SPIN3: variants seen among roughly 807,000 people sequenced by gnomAD.
SPIN3 encodes the protein spindlin family member 3, also known as spindlin-3.
For synonymous variants in SPIN3, 74 were observed against 74.3 expected (o/e 1.00, Z 0.02); for missense variants, 176 against 196.4 (o/e 0.90, Z 0.62).
rs1286819646 is a variant in SPIN3 at position 56,995,495 on chromosome X, C to T, written c.-282G>A. On this transcript the variant is annotated 5_prime_UTR_variant, in exon 1 of 2. Transcript: ENST00000374919. Reference sequence around the variant, plus strand: ...GGCGGCGGTGGCGGTGGCCGCAGCCCCTCTCCCACATCGGACTCCCACTAG... The same window carrying T: ...GGCGGCGGTGGCGGTGGCCGCAGCCTCTCTCCCACATCGGACTCCCACTAG... 1 of 113,191 alleles carries T rather than the reference C, an allele frequency of 8.8e-6. No homozygotes were observed. Among genetic ancestry groups the T allele is most frequent in the Non-Finnish European group, 1.8e-5 (1 of 54,301 alleles). The allele number at this position is 113,191 out of a possible 1,213,427, so 9.3% of individuals were successfully genotyped here. A position where few individuals can be genotyped will look rare whatever the true frequency, so the allele number is the denominator to read the frequency against.
chrX:56,976,143 T>G (rs931099591), downstream of SPIN3: 1 of 112,034 alleles, frequency 8.9e-6, no homozygotes. Context: ...TGCACATTGT[T>G]TGGAAAGGAA....
chrX:56,983,897 C>G (rs979410783), intron 3 of SPIN3, among the ~76,000 whole-genome samples: 2 of 112,409 alleles, frequency 1.8e-5, no homozygotes, highest in Admixed American at 9.4e-5. Flanking sequence ...ATGTATAATA[C>G]AGAGGACTGA....
In SPIN3 at chrX:56,992,097, A is replaced by G. The variant is rs1924354819; in HGVS notation, c.*2074T>C. On this transcript the variant is annotated 3_prime_UTR_variant, in exon 2 of 2. Transcript: ENST00000374919. ...AAAGTCCAAAATTCTGCCTTTCCCAATTTCTCGTTTTTCTCATTTCAGCCA... is the reference window on the plus strand; with the variant it reads ...AAAGTCCAAAATTCTGCCTTTCCCAGTTTCTCGTTTTTCTCATTTCAGCCA... The G allele has an allele frequency of 1.4e-5, 4 of 295,731 alleles. No individual in the cohort carries two copies. Among genetic ancestry groups the G allele is most frequent in the African/African-American group, 8.2e-5 (3 of 36,364 alleles). 24.4% of individuals were successfully genotyped at this position (295,731 alleles called of 1,213,427 possible). A position where few individuals can be genotyped will look rare whatever the true frequency, so the allele number is the denominator to read the frequency against.
intron 2 of SPIN3, among the ~76,000 whole-genome samples, chrX:56,984,754 C>A (rs1405963805): frequency 9.0e-6 from 1 of 111,262 alleles, no homozygotes; most frequent in Non-Finnish European, 1.9e-5. Context: ...CATACAGTCC[C>A]ATGGTTTTAA....
At chrX:56,979,968 C>T (rs1924080284) in intron 3 of SPIN3, 1 of 111,789 alleles carries the variant, frequency 8.9e-6, no homozygotes, top group Non-Finnish European at 1.9e-5. Context: ...CTTAAAATTG[C>T]CCCTTCACGA....
rs1170114693 is a variant in SPIN3 at position 56,993,319 on chromosome X, T to C, written c.*852A>G. On this transcript the variant is annotated 3_prime_UTR_variant, in exon 2 of 2. Coordinates refer to ENST00000374919, the MANE Select transcript of SPIN3 (RefSeq NM_001010862.3). ...GTGACTGAGGGCTCTAGCTAGAGCC[T>C]GGCTTAATGCTCCTCTGGGCTGGCA... The C allele has an allele frequency of 8.9e-6, 1 of 112,091 alleles. No homozygotes were observed. Among genetic ancestry groups the C allele is most frequent in the African/African-American group, 3.2e-5 (1 of 30,808 alleles). 9.2% of individuals were successfully genotyped at this position (112,091 alleles called of 1,213,427 possible).
intron 3 of SPIN3, chrX:56,979,007 T>C (rs1395346682): frequency 9.0e-6 from 1 of 111,573 alleles, no homozygotes; most frequent in Non-Finnish European, 1.9e-5. Context: ...AAATCATCAG[T>C]ACTTTCCCTT....
In SPIN3 at chrX:56,994,442, T is replaced by C; in HGVS notation, c.506A>G (p.Asp169Gly). Residue 169 changes from aspartate to glycine, a missense_variant, in exon 2 of 2, where the codon GAT (aspartate) becomes GGT (glycine). Asp to Gly is a moderately conservative substitution (Grantham distance 94). Transcript: ENST00000374919. ...GAGCTGGTACATATATAATACAGGA[T>C]CTTTCTCATAGGTAATGTAAAACCA... ...NTWFYITYEK[D>G]PVLYMYQLLD... is the part of the protein sequence containing the mutation. 8.3e-7 allele frequency: 1 copy of C among 1,211,675 alleles called. No homozygotes were observed. Among genetic ancestry groups the C allele is most frequent in the Non-Finnish European group, 1.1e-6 (1 of 895,509 alleles).
chrX:56,994,994 T>G (rs1017664659), intron 1 of SPIN3, 45 bp from the exon 2 acceptor site: 1 of 1,109,580 alleles, frequency 9.0e-7, no homozygotes, highest in African/African-American at 1.9e-5. Context: ...GAAAGGAAAT[T>G]AACAAAATCA....
chrX:56,995,013 C>T, intron 1 of SPIN3, 64 bp from the exon 2 acceptor site: 18 of 1,060,924 alleles, frequency 1.7e-5, no homozygotes, highest in Non-Finnish European at 2.2e-5. Flanking sequence ...CAATGCATAA[C>T]ACGGAGAGCT....
In SPIN3 at chrX:56,994,192, G is replaced by A. The variant is rs779290119; in HGVS notation, c.756C>T (p.Tyr252=). The A allele has an allele frequency of 7.5e-6, 9 of 1,202,663 alleles. No homozygotes were observed. In the South Asian group the frequency reaches 1.4e-4, roughly 19 times the overall value. Residue 252 remains tyrosine, a synonymous_variant, in exon 2 of 2, where the codon TAC becomes TAT. Transcript: ENST00000374919. Reference sequence around the variant, plus strand: ...ACCTCTAAGATGTTTTTACCAAATCGTAGACATAGATATGGAAATCATCAT... The same window carrying A: ...ACCTCTAAGATGTTTTTACCAAATCATAGACATAGATATGGAAATCATCAT... ...KFDDDFHIYV[Y]DLVKTS is the part of the protein sequence containing the mutation.
intron 2 of SPIN3, among the ~76,000 whole-genome samples, chrX:56,984,995 T>C (rs1038942902): frequency 5.4e-5 from 6 of 111,583 alleles, no homozygotes; most frequent in African/African-American, 2.0e-4. Flanking sequence ...ATCTTCCCAG[T>C]TGTTTTTTGG....
downstream of SPIN3, among the ~76,000 whole-genome samples, chrX:56,988,690 G>A (rs1569324242): frequency 9.0e-6 from 1 of 111,123 alleles, no homozygotes; most frequent in Non-Finnish European, 1.9e-5. Flanking sequence ...GTCTCATGTG[G>A]GAACTTGTTA....
rs1043040346 is a variant in SPIN3, at chrX:56,992,673, T to C, written c.*1498A>G. ...AAATGTGCAGAACTCCATGGCCTTATTAGGCTGTTACTGCTAATGGAGCTT... is the reference window on the plus strand; with the variant it reads ...AAATGTGCAGAACTCCATGGCCTTACTAGGCTGTTACTGCTAATGGAGCTT... On this transcript the variant is annotated 3_prime_UTR_variant, in exon 2 of 2. Transcript: ENST00000374919. 3.4e-6 allele frequency: 1 copy of C among 291,852 alleles called. No individual in the cohort carries two copies. Among genetic ancestry groups the C allele is most frequent in the African/African-American group, 2.8e-5 (1 of 36,200 alleles). The allele number at this position is 291,852 out of a possible 1,213,427, so 24.1% of individuals were successfully genotyped here.
Position 56,992,801 on chromosome X carries a change from G to C in SPIN3, c.*1370C>G, listed in dbSNP as rs1052988342. ...CTTTCCTAGGCTTTGGTTAACCTCCGCCAATGGCTCTTTAATAATGGAAAG... is the reference window on the plus strand; with the variant it reads ...CTTTCCTAGGCTTTGGTTAACCTCCCCCAATGGCTCTTTAATAATGGAAAG... On this transcript the variant is annotated 3_prime_UTR_variant, in exon 2 of 2. Transcript: ENST00000374919. 3.9e-6 allele frequency: 1 copy of C among 254,342 alleles called. No homozygotes were observed. Among genetic ancestry groups the C allele is most frequent in the African/African-American group, 2.8e-5 (1 of 35,297 alleles). 21.0% of individuals were successfully genotyped at this position (254,342 alleles called of 1,213,427 possible).
chrX:56,984,166 T>A (rs1197894840), intron 3 of SPIN3: 3 of 146,360 alleles, frequency 2.0e-5, no homozygotes, highest in Non-Finnish European at 3.9e-5. Context: ...CTCTCTCTCG[T>A]TCACGAAGAC....
chrX:56,994,240 G>A lies in SPIN3; in HGVS notation c.708C>T (p.Pro236=), dbSNP rs765975079. ...GMVIHQVEAK[P]SVYFIKFDDD... ...CATCAAATTTGATGAAGTACACAGA[G>A]GGTTTTGCTTCTACCTGATGAATGA... Residue 236 remains proline (P), a synonymous_variant, in exon 2 of 2, where the codon CCC becomes CCT. Coordinates refer to ENST00000374919, the MANE Select transcript of SPIN3 (RefSeq NM_001010862.3). The A allele has an allele frequency of 3.1e-5, 38 of 1,209,635 alleles. No individual in the cohort carries two copies. The Admixed American group carries it at 8.1e-4, about 26-fold the overall frequency.
chrX:56,976,893 G>A (rs1217480889), exon 6 of SPIN3: 2 of 111,746 alleles, frequency 1.8e-5, no homozygotes, highest in Admixed American at 1.9e-4. Flanking sequence ...AAATAAGATT[G>A]CTAGCCAATA....
downstream of SPIN3, among the ~76,000 whole-genome samples, chrX:56,986,596 A>G (rs1924226581): frequency 2.7e-5 from 3 of 112,227 alleles, no homozygotes; most frequent in Non-Finnish European, 3.8e-5. Context: ...ACAAATGTTT[A>G]CTGACATCCC....
Sources: allele counts gnomAD v4.1 joint callset (sites outside exome capture counted in the v4.1 genomes callset), GRCh38; gene constraint gnomAD v4.1.1; transcripts MANE v1.5; gene names NCBI Gene and HGNC (gene_info 2026-07-23, HGNC 2026-07-21).